SMOC2: variants seen among roughly 807,000 people sequenced by gnomAD.
SMOC2 encodes the protein SPARC-related modular calcium-binding protein 2.
A neutral mutation model predicts 61.4 loss-of-function variants in SMOC2; 39 were observed. The ratio of observed to expected loss-of-function variants is 0.64; its 90% CI spans 0.49 to 0.83. The LOEUF (loss-of-function observed/expected upper bound fraction) is 0.83, where lower values mean the gene tolerates loss of function less well. Among genes scored for constraint, SMOC2 ranks in the 40% least tolerant of loss-of-function variants. The pLI is 0.00. For missense variants in SMOC2, 556 were observed against 592.9 expected, an observed-to-expected ratio of 0.94 and a Z score of 0.65; for synonymous variants, 247 against 239.9, an observed-to-expected ratio of 1.03 and a Z score of -0.27.
At chr6:168,447,557 A>G (rs946623635) in intron 1 of SMOC2, among the ~76,000 whole-genome samples, 11 of 152,044 alleles carry the variant, frequency 7.2e-5, no homozygotes, top group Admixed American at 2.0e-4. Context: ...CACTGTTCCT[A>G]TCCCTGCCCT....
intron 1 of SMOC2, among the ~76,000 whole-genome samples, chr6:168,464,565 ATT>A (rs35363708): frequency 5.3e-5 from 8 of 149,780 alleles, no homozygotes; most frequent in African/African-American, 1.9e-4. Flanking sequence ...TAGGATTTTC[ATT>A]TTTTTTTTTT....
chr6:168,588,570 C>A lies in SMOC2; in HGVS notation c.638-10248C>A, dbSNP rs559408138. Among the ~76,000 whole-genome samples, 234 of 152,296 alleles carry A rather than the reference C, an allele frequency of 1.5e-3. 3 individuals are homozygous for A. Among genetic ancestry groups the A allele is most frequent in the African/African-American group, 5.2e-3 (217 of 41,556 alleles). ...TCAACACAGGAATTTTGAGGGGGCA[C>A]AAACATTTGACCAGTGCAGATTCTG... is the stretch of plus-strand genomic sequence containing the variant. On this transcript the variant is annotated intron_variant, in intron 7 of 12. Coordinates refer to ENST00000356284, the MANE Select transcript of SMOC2 (RefSeq NM_001166412.2).
chr6:168,589,076 C>CAAAAA (rs35958554), intron 7 of SMOC2, among the ~76,000 whole-genome samples: 2 of 89,900 alleles, frequency 2.2e-5, no homozygotes, highest in African/African-American at 4.4e-5. Context: ...GAATTCGTCT[C>CAAAAA]AAAAAAAAAA....
chr6:168,470,255 C>T (rs1348985480), intron 1 of SMOC2, among the ~76,000 whole-genome samples: 1 of 152,254 alleles, frequency 6.6e-6, no homozygotes, highest in African/African-American at 2.4e-5. Context: ...TCCTTTTGGA[C>T]ATAGTTTCCT....
At chr6:168,490,327 C>T (rs181461097) in intron 1 of SMOC2, among the ~76,000 whole-genome samples, 4 of 152,296 alleles carry the variant, frequency 2.6e-5, no homozygotes, top group East Asian at 1.9e-4. Flanking sequence ...TGAAATATAT[C>T]GGGGAGGAAG....
chr6:168,455,088 G>A (rs1052990425), intron 1 of SMOC2, among the ~76,000 whole-genome samples: 1 of 152,068 alleles, frequency 6.6e-6, no homozygotes, highest in African/African-American at 2.4e-5. Flanking sequence ...GCAGGGTGCC[G>A]GGGCGGAGTG....
chr6:168,639,697 G>T (rs377179390), intron 9 of SMOC2, among the ~76,000 whole-genome samples: 1 of 152,164 alleles, frequency 6.6e-6, no homozygotes, highest in African/African-American at 2.4e-5. Context: ...GAATGCGTTC[G>T]ATTCCATCAT....
chr6:168,627,922 A>C (rs1456876956), intron 9 of SMOC2, among the ~76,000 whole-genome samples: 1 of 152,250 alleles, frequency 6.6e-6, no homozygotes, highest in African/African-American at 2.4e-5. Context: ...CAGTGGGGAA[A>C]ACCACAGCCT....
chr6:168,498,870 C>A (rs966395929), intron 1 of SMOC2, among the ~76,000 whole-genome samples: 2 of 134,566 alleles, frequency 1.5e-5, no homozygotes, highest in Non-Finnish European at 3.4e-5. Flanking sequence ...CCCAGCCCTA[C>A]GAGCCACAGT....
intron 7 of SMOC2, among the ~76,000 whole-genome samples, chr6:168,567,926 G>T (rs1784579427): frequency 6.6e-6 from 1 of 151,730 alleles, no homozygotes; most frequent in South Asian, 2.1e-4. Flanking sequence ...GTGTGAGTCG[G>T]TGTCTCATAT....
chr6:168,586,278 A>G (rs1359519513), intron 7 of SMOC2, among the ~76,000 whole-genome samples: 1 of 152,202 alleles, frequency 6.6e-6, no homozygotes, highest in Non-Finnish European at 1.5e-5. Flanking sequence ...TGCCTCATCA[A>G]ATATCAATTG....
At chr6:168,584,967 A>AT (rs1018765166) in intron 7 of SMOC2, among the ~76,000 whole-genome samples, 3 of 152,010 alleles carry the variant, frequency 2.0e-5, no homozygotes, top group Middle Eastern at 3.2e-3. Context: ...CATACATTAC[A>AT]TTTTTTTAAA....
chr6:168,500,904 C>T (rs1782712511), intron 1 of SMOC2, among the ~76,000 whole-genome samples: 1 of 152,096 alleles, frequency 6.6e-6, no homozygotes, highest in Admixed American at 6.5e-5. Flanking sequence ...AAGGATGGTG[C>T]CTGAGGCTGC....
chr6:168,633,127 C>G (rs1175800876), intron 9 of SMOC2, among the ~76,000 whole-genome samples: 1 of 152,218 alleles, frequency 6.6e-6, no homozygotes, highest in Non-Finnish European at 1.5e-5. Flanking sequence ...TTTTCCTCCT[C>G]TGTGTCTCCT....
intron 4 of SMOC2, among the ~76,000 whole-genome samples, chr6:168,536,940 A>T (rs1583090577): frequency 6.6e-6 from 1 of 151,958 alleles, no homozygotes; most frequent in South Asian, 2.1e-4. Flanking sequence ...TAGGGTATAC[A>T]CCCTGGCAGG....
chr6:168,577,295 C>T (rs1377764411), intron 7 of SMOC2, among the ~76,000 whole-genome samples: 3 of 151,642 alleles, frequency 2.0e-5, no homozygotes, highest in African/African-American at 4.9e-5. Context: ...TCCGTCTAAA[C>T]GCGCTCTCTC....
chr6:168,645,223 C>T (rs1324319203), intron 9 of SMOC2, among the ~76,000 whole-genome samples: 2 of 152,204 alleles, frequency 1.3e-5, no homozygotes, highest in Non-Finnish European at 2.9e-5. Flanking sequence ...CCATTTCTCT[C>T]AACCCTTAGA....
chr6:168,485,403 C>G (rs1174428716), intron 1 of SMOC2, among the ~76,000 whole-genome samples: 1 of 151,990 alleles, frequency 6.6e-6, no homozygotes, highest in Non-Finnish European at 1.5e-5. Context: ...TCATAACAGC[C>G]AAAAGGTGAA....
rs9456203 is a variant in SMOC2, at chr6:168,569,385, T to A, written c.637+20182T>A. Among the ~76,000 whole-genome samples, 1,454 of 152,330 alleles carry A rather than the reference T, an allele frequency of 9.5e-3. 24 individuals carry two copies. The highest frequency in any genetic ancestry group is 0.033 in the African/African-American group (1,361 of 41,582). On this transcript the variant is annotated intron_variant, in intron 7 of 12. Transcript: ENST00000356284. ...GATTTTTAATTAATTGGGGTTTTTT[T>A]AATTGTTGAATTTTAAGTGTTCTTT...
Sources: allele counts gnomAD v4.1 joint callset (sites outside exome capture counted in the v4.1 genomes callset), GRCh38; gene constraint gnomAD v4.1.1; transcripts MANE v1.5; gene names NCBI Gene and HGNC (gene_info 2026-07-23, HGNC 2026-07-21).